The following GLT8D1 variants were observed in gnomAD, a reference collection of about 807,000 sequenced individuals.
GLT8D1 encodes glycosyltransferase 8 domain-containing protein 1.
Under a neutral mutation model 46.2 loss-of-function variants are expected in GLT8D1, and 41 were observed. That is an observed-to-expected ratio of 0.89 (90% CI 0.69 to 1.15). The LOEUF is 1.15. Ranked by LOEUF, GLT8D1 falls within the 50% of genes most tolerant of loss-of-function variation. The pLI, the probability that GLT8D1 is intolerant of heterozygous loss-of-function variation, is 0.00. For missense variants in GLT8D1, 408 were observed against 449.3 expected, an observed-to-expected ratio of 0.91 and a Z score of 0.83; for synonymous variants, 150 against 154.2, an observed-to-expected ratio of 0.97 and a Z score of 0.20.
intron 7 of GLT8D1, 54 bp from the exon 8 acceptor site, chr3:52,695,641 A>C (rs1275675285): frequency 1.9e-6 from 2 of 1,042,976 alleles, no homozygotes; most frequent in Non-Finnish European, 2.9e-6. Flanking sequence ...AATAGATACA[A>C]TTTTATAGCC....
At chr3:52,695,704 T>G (rs1245321817) in intron 7 of GLT8D1, 117 bp from the exon 8 acceptor site, 10 of 691,028 alleles carry the variant, frequency 1.4e-5, no homozygotes, top group Non-Finnish European at 2.5e-5. Flanking sequence ...AATAAATATT[T>G]GAAATTCCAA....
intron 3 of GLT8D1, 128 bp downstream of exon 3, chr3:52,700,134 T>G (rs2097338031): frequency 4.8e-6 from 3 of 623,236 alleles, no homozygotes; most frequent in Non-Finnish European, 5.7e-6. Context: ...AAAGGAATAT[T>G]CTGTCAGATC....
intron 1 of GLT8D1, among the ~76,000 whole-genome samples, chr3:52,702,255 T>C (rs563136297): frequency 6.6e-6 from 1 of 152,328 alleles, no homozygotes; most frequent in African/African-American, 2.4e-5. Context: ...GTTTAAAAAA[T>C]TGGGGGCTGG....
Position 52,694,906 on chromosome 3 carries a change from G to A in GLT8D1, c.1055C>T (p.Pro352Leu), listed in dbSNP as rs1303318832. 2 of 1,611,512 alleles carry A rather than the reference G, an allele frequency of 1.2e-6. No individual in the cohort carries two copies. The highest frequency in any genetic ancestry group is 1.7e-6 in the Non-Finnish European group (2 of 1,177,628). Residue 352 changes from proline to leucine, a missense_variant, in exon 10 of 10, where the codon CCA becomes CTA. Coordinates refer to ENST00000266014, the MANE Select transcript of GLT8D1 (RefSeq NM_018446.4). Reference sequence around the variant, plus strand: ...TAGGTTGAATTTGCCTGTTGGGTCTGGAATATACCATTTTTCCCAAACATC... The same window carrying A: ...TAGGTTGAATTTGCCTGTTGGGTCTAGAATATACCATTTTTCCCAAACATC... ...YTDVWEKWYIPDPTGKFNLIR... is the reference protein window; with the variant it reads ...YTDVWEKWYILDPTGKFNLIR...
chr3:52,702,601 T>C (rs903098426), intron 1 of GLT8D1, among the ~76,000 whole-genome samples: 1 of 151,996 alleles, frequency 6.6e-6, no homozygotes, highest in Non-Finnish European at 1.5e-5. Flanking sequence ...GCACTGTGGC[T>C]GATACCCATA....
rs149206385 is a variant in GLT8D1 at position 52,695,282 on chromosome 3, G to T, written c.833C>A (p.Thr278Asn). Residue 278 changes from threonine (T) to asparagine (N), a missense_variant, in exon 9 of 10, where the codon ACC becomes AAC. Thr to Asn is a moderately conservative substitution (Grantham distance 65). Coordinates refer to ENST00000266014, the MANE Select transcript of GLT8D1 (RefSeq NM_018446.4). ...LNVEEGLYSR[T>N]LAGSITTPPL... ...AGGTGTTGTGATGCTACCAGCCAGG[G>T]TTCTGCTATACAGTCCCTCTCTTGG... is the stretch of plus-strand genomic sequence containing the variant. 2.4e-4 allele frequency: 394 copies of T among 1,613,030 alleles called. 4 individuals are homozygous for T. In the African/African-American group the frequency reaches 4.6e-3, roughly 19 times the overall value.
chr3:52,697,809 T>C lies in GLT8D1; in HGVS notation c.241A>G (p.Ile81Val). 1.2e-6 allele frequency: 2 copies of C among 1,613,820 alleles called. No individual in the cohort carries two copies. The highest frequency in any genetic ancestry group is 1.7e-6 in the Non-Finnish European group (2 of 1,179,686). The change falls in exon 4 of 10, where the codon ATT (isoleucine) becomes GTT (valine). Residue 81 changes from isoleucine (I) to valine (V), a missense_variant. Coordinates refer to ENST00000266014, the MANE Select transcript of GLT8D1 (RefSeq NM_018446.4). ...TGCTGAATGCTGTTTATAGCTGCAA[T>C]GGCCCCCCCAAGCCTGTCTTCAGAT... is the stretch of plus-strand genomic sequence containing the variant. ...AASEDRLGGAIAAINSIQHNT... is the reference protein window; with the variant it reads ...AASEDRLGGAVAAINSIQHNT...
intron 4 of GLT8D1, chr3:52,697,486 G>A: frequency 1.8e-6 from 1 of 544,460 alleles, no homozygotes; most frequent in East Asian, 3.1e-5. Flanking sequence ...GGGGTTAACA[G>A]TTCAGAGTGA....
chr3:52,694,967 G>A lies in GLT8D1; in HGVS notation c.994C>T (p.His332Tyr), dbSNP rs778084390. 5.6e-6 allele frequency: 9 copies of A among 1,609,758 alleles called. No homozygotes were observed. In the African/African-American group the frequency reaches 9.4e-5, roughly 17 times the overall value. ...KAAKLLHWNGHLKPWGRTASY... is the reference protein window; with the variant it reads ...KAAKLLHWNGYLKPWGRTASY... Reference sequence around the variant, plus strand: ...GCAGTCCTTCCCCATGGCTTCAAATGTCCATTCCAATGGAGTAACTTGGCA... The same window carrying A: ...GCAGTCCTTCCCCATGGCTTCAAATATCCATTCCAATGGAGTAACTTGGCA... The change falls in exon 10 of 10, where the codon CAT (histidine) becomes TAT (tyrosine). Residue 332 changes from histidine to tyrosine, a missense_variant. His to Tyr is a moderately conservative substitution (Grantham distance 83). Coordinates refer to ENST00000266014, the MANE Select transcript of GLT8D1 (RefSeq NM_018446.4).
chr3:52,700,263 T>C lies in GLT8D1; in HGVS notation c.114A>G (p.Thr38=). 6.2e-7 allele frequency: 1 copy of C among 1,601,040 alleles called. No individual in the cohort carries two copies. Residue 38 remains threonine, a splice_region_variant and synonymous_variant, in exon 3 of 10, where the codon ACA becomes ACG. Coordinates refer to ENST00000266014, the MANE Select transcript of GLT8D1 (RefSeq NM_018446.4). Reference sequence around the variant, plus strand: ...CATTATTAATAAGTGCTCGCATACCTGTAACCTCATTCCTTAACAAACTGC... The same window carrying C: ...CATTATTAATAAGTGCTCGCATACCCGTAACCTCATTCCTTAACAAACTGC... ...SLSSLLRNEV[T]DSGIVGPQPI...
Position 52,694,933 on chromosome 3 carries a change from G to C in GLT8D1, c.1028C>G (p.Thr343Ser). 1 of 1,609,628 alleles carries C rather than the reference G, an allele frequency of 6.2e-7. No individual in the cohort carries two copies. Among genetic ancestry groups the C allele is most frequent in the East Asian group, 2.2e-5 (1 of 44,862 alleles). ...LKPWGRTASY[T>S]DVWEKWYIPD... is the part of the protein sequence containing the mutation. ...AATATACCATTTTTCCCAAACATCA[G>C]TATATGAAGCAGTCCTTCCCCATGG... The change falls in exon 10 of 10, where the codon ACT becomes AGT. Residue 343 changes from threonine to serine, a missense_variant. Physicochemically the swap from Thr to Ser is moderately conservative, Grantham distance 58. Coordinates refer to ENST00000266014, the MANE Select transcript of GLT8D1 (RefSeq NM_018446.4).
intron 8 of GLT8D1, 52 bp downstream of exon 8, chr3:52,695,369 C>T: frequency 2.5e-6 from 4 of 1,585,114 alleles, no homozygotes; most frequent in Non-Finnish European, 3.5e-6. Context: ...AGTCAAGACT[C>T]TAGGAATTGA....
intron 2 of GLT8D1, 35 bp downstream of exon 2, chr3:52,700,410 G>A (rs2097338329): frequency 1.3e-6 from 2 of 1,593,448 alleles, no homozygotes; most frequent in Non-Finnish European, 8.6e-7. Flanking sequence ...CTTTGACCAG[G>A]TATAAAAACA....
chr3:52,700,207 G>C, intron 3 of GLT8D1, 55 bp downstream of exon 3: 1 of 1,076,082 alleles, frequency 9.3e-7, no homozygotes, highest in Non-Finnish European at 1.4e-6. Flanking sequence ...GTGTGACACA[G>C]AGAATACCAG....
At chr3:52,696,466 A>C in intron 5 of GLT8D1, 76 bp downstream of exon 5, 1 of 1,013,698 alleles carries the variant, frequency 9.9e-7, no homozygotes, top group Non-Finnish European at 1.6e-6. Context: ...AACTACTTGC[A>C]CTATACCCAC....
intron 1 of GLT8D1, among the ~76,000 whole-genome samples, chr3:52,702,789 CTTT>C (rs759588335): frequency 7.2e-6 from 1 of 139,562 alleles, no homozygotes. Context: ...TCTTTCTTTC[CTTT>C]TTTTTTTTTT....
chr3:52,695,510 A>T lies in GLT8D1; in HGVS notation c.723T>A (p.Phe241Leu). 1 of 1,612,128 alleles carries T rather than the reference A, an allele frequency of 6.2e-7. No homozygotes were observed. The highest frequency in any genetic ancestry group is 8.5e-7 in the Non-Finnish European group (1 of 1,178,104). The change falls in exon 8 of 10, where the codon TTT (phenylalanine) becomes TTA (leucine). Residue 241 changes from phenylalanine (F) to leucine (L), a missense_variant. Physicochemically the swap from Phe to Leu is conservative, Grantham distance 22. Transcript: ENST00000266014. The stretch of plus-strand genomic sequence containing the variant: ...GGTTTGCAACAAAAACTCCAGGATT[A>T]AATGAGCAAGTGCTGGCTTTCATGG... The part of the protein sequence containing the change: ...KLSMKASTCS[F>L]NPGVFVANLT...
At chr3:52,704,191 G>T (rs576674418) in intron 1 of GLT8D1, among the ~76,000 whole-genome samples, 1 of 151,886 alleles carries the variant, frequency 6.6e-6, no homozygotes, top group Non-Finnish European at 1.5e-5. Flanking sequence ...GGGCGCGGTG[G>T]CTCATGCCTG....
chr3:52,700,673 T>C, intron 1 of GLT8D1, 177 bp from the exon 2 acceptor site: 1 of 471,742 alleles, frequency 2.1e-6, no homozygotes, highest in Non-Finnish European at 3.8e-6. Flanking sequence ...ATCTGAAATT[T>C]TTGTGGTACT....
Sources: gnomAD v4.1 joint callset for allele counts (sites outside exome capture counted in the v4.1 genomes callset) on GRCh38, gnomAD v4.1.1 for gene constraint, MANE v1.5 for transcripts, NCBI Gene and HGNC (gene_info 2026-07-23, HGNC 2026-07-21) for gene names.